SHROOM4: variants seen among roughly 807,000 people sequenced by gnomAD.
SHROOM4 encodes shroom family member 4, also known as protein Shroom4.
In SHROOM4, 17 loss-of-function variants were observed where a neutral mutation model predicts 80.3. The observed-to-expected ratio is 0.21, with a 90% CI of 0.14 to 0.32. The LOEUF (loss-of-function observed/expected upper bound fraction) is 0.32, where lower values mean the gene tolerates loss of function less well. Ranked by LOEUF, SHROOM4 falls within the 10% of genes least tolerant of loss-of-function variation. The pLI, the probability that SHROOM4 is intolerant of heterozygous loss-of-function variation, is 1.00. For synonymous variants in SHROOM4, 400 were observed against 437.5 expected, an observed-to-expected ratio of 0.91 and a Z score of 1.07; for missense variants, 993 against 1,140.3, an observed-to-expected ratio of 0.87 and a Z score of 1.86.
intron 5 of SHROOM4, 118 bp downstream of exon 5, chrX:50,627,496 T>G (rs974745880): frequency 1.6e-6 from 1 of 634,340 alleles, no homozygotes; most frequent in African/African-American, 2.2e-5. Flanking sequence ...TATCAAGCCC[T>G]TAGTCTAGAT....
At chrX:50,670,572 G>A (rs782815657) in intron 2 of SHROOM4, among the ~76,000 whole-genome samples, 152 of 111,616 alleles carry the variant, frequency 1.4e-3, no homozygotes, top group Admixed American at 3.2e-3. Context: ...ATAAACATAC[G>A]TGTACATGTG....
At chrX:50,692,066 G>C (rs1933235696) in intron 2 of SHROOM4, among the ~76,000 whole-genome samples, 1 of 111,730 alleles carries the variant, frequency 9.0e-6, no homozygotes, top group Non-Finnish European at 1.9e-5. Flanking sequence ...AAAGGGCCCT[G>C]CTAGTCCAAG....
chrX:50,764,915 C>T (rs1557269211), intron 1 of SHROOM4, among the ~76,000 whole-genome samples: 1 of 111,968 alleles, frequency 8.9e-6, no homozygotes, highest in African/African-American at 3.3e-5. Flanking sequence ...GGAGGCCCCA[C>T]GATCATGGCA....
At chrX:50,812,973 C>G (rs1936371004) in intron 1 of SHROOM4, among the ~76,000 whole-genome samples, 1 of 111,629 alleles carries the variant, frequency 9.0e-6, no homozygotes, top group Non-Finnish European at 1.9e-5. Flanking sequence ...TCCCACAAGT[C>G]ACTCTTCCTG....
At chrX:50,730,559 T>C (rs2147540060) in intron 1 of SHROOM4, among the ~76,000 whole-genome samples, 1 of 111,808 alleles carries the variant, frequency 8.9e-6, no homozygotes, top group Non-Finnish European at 1.9e-5. Context: ...GCAGATCACC[T>C]GAGGTCAGGA....
chrX:50,798,173 T>C (rs1452555755), intron 1 of SHROOM4, among the ~76,000 whole-genome samples: 1 of 110,610 alleles, frequency 9.0e-6, no homozygotes, highest in Non-Finnish European at 1.9e-5. Context: ...ACTCCCCTTC[T>C]AGTTTGGGAG....
chrX:50,705,765 T>A (rs781894250), intron 1 of SHROOM4, among the ~76,000 whole-genome samples: 1 of 110,397 alleles, frequency 9.1e-6, no homozygotes, highest in African/African-American at 3.3e-5. Flanking sequence ...TTCTACTTCA[T>A]CTTCCCCTTC....
In SHROOM4 at chrX:50,727,620, T is replaced by C. The variant is rs781881524; in HGVS notation, c.118-31683A>G. The stretch of plus-strand genomic sequence containing the variant: ...GCACTTCCTCACTTTCTCTCTCTCT[T>C]CTGCTGCCACGTAAGATGTTCCTTG... On this transcript the variant is annotated intron_variant, in intron 1 of 8. Coordinates refer to ENST00000376020, the MANE Select transcript of SHROOM4 (RefSeq NM_020717.5). Among the ~76,000 whole-genome samples, 4 of 112,084 alleles carry C rather than the reference T, an allele frequency of 3.6e-5. No individual in the cohort carries two copies. The South Asian group carries it at 1.5e-3, about 42-fold the overall frequency.
chrX:50,752,280 C>T (rs1934939474), intron 1 of SHROOM4, among the ~76,000 whole-genome samples: 1 of 111,859 alleles, frequency 8.9e-6, no homozygotes, highest in South Asian at 3.7e-4. Flanking sequence ...TAAGTTTCAC[C>T]CACATCTTAA....
intron 1 of SHROOM4, among the ~76,000 whole-genome samples, chrX:50,811,902 G>A (rs1936339395): frequency 9.0e-6 from 1 of 110,608 alleles, no homozygotes; most frequent in African/African-American, 3.3e-5. Flanking sequence ...CTCAACACAC[G>A]AAGCACTTCC....
At chrX:50,799,930 C>T (rs1170174452) in intron 1 of SHROOM4, among the ~76,000 whole-genome samples, 2 of 112,164 alleles carry the variant, frequency 1.8e-5, no homozygotes, top group African/African-American at 6.5e-5. Context: ...CGGAACACAG[C>T]TTACACACAG....
chrX:50,756,865 C>T (rs2147615825), intron 1 of SHROOM4, among the ~76,000 whole-genome samples: 1 of 111,629 alleles, frequency 9.0e-6, no homozygotes, highest in Admixed American at 9.5e-5. Flanking sequence ...TTGTAAGAGG[C>T]TTTATATTTT....
chrX:50,598,182 T>TTTCA lies in SHROOM4; in HGVS notation c.4212+83_4212+84insTGAA, dbSNP rs1557246992. 13 of 1,151,725 alleles carry TTTCA rather than the reference T, an allele frequency of 1.1e-5. No homozygotes were observed. The East Asian group carries it at 3.9e-4, about 34-fold the overall frequency. The allele number at this position is 1,151,725 out of a possible 1,213,427, so 94.9% of individuals were successfully genotyped here. A position where few individuals can be genotyped will look rare whatever the true frequency, so the allele number is the denominator to read the frequency against. ...TAATCCCATGCTCTACTGTTTCCTA[T>TTTCA]AGTAGCCCAACTTGAAAGAGGGAGC... On this transcript the variant is annotated intron_variant, in intron 8 of 8. Transcript: ENST00000376020.
intron 2 of SHROOM4, among the ~76,000 whole-genome samples, chrX:50,645,732 C>T (rs1460286085): frequency 1.8e-5 from 2 of 111,801 alleles, no homozygotes; most frequent in East Asian, 5.7e-4. Flanking sequence ...TTTAGCGGAG[C>T]TGAGTTCCAG....
chrX:50,638,409 G>A (rs1244082815), intron 2 of SHROOM4, 101 bp from the exon 3 acceptor site: 5 of 1,038,655 alleles, frequency 4.8e-6, no homozygotes, highest in Non-Finnish European at 6.6e-6. Context: ...CAGTAAAGTA[G>A]AACATCTTGC....
chrX:50,707,244 C>T (rs1933701025), intron 1 of SHROOM4, among the ~76,000 whole-genome samples: 1 of 112,152 alleles, frequency 8.9e-6, no homozygotes, highest in African/African-American at 3.2e-5. Flanking sequence ...TTTCATGCAA[C>T]TATAGTTCTT....
intron 2 of SHROOM4, among the ~76,000 whole-genome samples, chrX:50,651,497 T>A (rs1932058055): frequency 8.9e-6 from 1 of 111,751 alleles, no homozygotes; most frequent in African/African-American, 3.3e-5. Context: ...CAGCATCACC[T>A]GAGAACTTGT....
chrX:50,675,928 CCTTCT>C (rs2147402801), intron 2 of SHROOM4, among the ~76,000 whole-genome samples: 1 of 111,628 alleles, frequency 9.0e-6, no homozygotes, highest in Non-Finnish European at 1.9e-5. Context: ...CTGCCAACTC[CCTTCT>C]CTTCTATCTC....
In SHROOM4 at chrX:50,590,973, G is replaced by A. The variant is rs1439471041; in HGVS notation, c.*5722C>T. ...TTACTCCAATTTATTTCTATTTCTT[G>A]TATCACTTGTGCAAATCGTCTTAAC... On this transcript the variant is annotated 3_prime_UTR_variant, in exon 9 of 9. Transcript: ENST00000376020. Among the ~76,000 whole-genome samples the A allele has an allele frequency of 9.0e-6, 1 of 111,615 alleles. No individual in the cohort carries two copies. The highest frequency in any genetic ancestry group is 1.9e-5 in the Non-Finnish European group (1 of 53,092).
Sources: allele counts gnomAD v4.1 joint callset (sites outside exome capture counted in the v4.1 genomes callset), GRCh38; gene constraint gnomAD v4.1.1; transcripts MANE v1.5; gene names NCBI Gene and HGNC (gene_info 2026-07-23, HGNC 2026-07-21).